TTC19: variants seen among roughly 807,000 people sequenced by gnomAD.
TTC19 encodes tetratricopeptide repeat protein 19, mitochondrial.
Under a neutral mutation model 49.5 loss-of-function variants are expected in TTC19, and 38 were observed. That is an observed-to-expected ratio of 0.77 (90% CI 0.59 to 1.01). TTC19 has a LOEUF of 1.01. Among genes scored for constraint, TTC19 ranks in the 50% least tolerant of loss-of-function variants. The pLI, the probability that TTC19 is intolerant of heterozygous loss-of-function variation, is 0.00. For missense variants in TTC19, 475 were observed against 477.7 expected, an observed-to-expected ratio of 0.99 and a Z score of 0.05; for synonymous variants, 204 against 185.2, an observed-to-expected ratio of 1.10 and a Z score of -0.83.
At chr17:16,043,175 C>A (rs966106759) in intron 2 of TTC19, among the ~76,000 whole-genome samples, 9 of 152,170 alleles carry the variant, frequency 5.9e-5, no homozygotes, top group African/African-American at 2.2e-4. Flanking sequence ...GCAAAGAGAT[C>A]CAATAAAGTA....
At chr17:16,033,021 T>G (rs958310001), downstream of TTC19, among the ~76,000 whole-genome samples, 1 of 152,162 alleles carries the variant, frequency 6.6e-6, no homozygotes, top group South Asian at 2.1e-4. Flanking sequence ...GATGTTTAAC[T>G]GTCCCCAGAA....
At chr17:16,006,449 G>A (rs1970911695) in intron 6 of TTC19, 25 bp from the exon 7 acceptor site, 5 of 1,490,524 alleles carry the variant, frequency 3.4e-6, no homozygotes, top group Non-Finnish European at 4.7e-6. Flanking sequence ...AAGGTAAATG[G>A]CTGATTATTG....
At chr17:16,018,205 A>T (rs940516098) in intron 7 of TTC19, among the ~76,000 whole-genome samples, 1 of 152,094 alleles carries the variant, frequency 6.6e-6, no homozygotes, top group African/African-American at 2.4e-5. Flanking sequence ...TCAGAAGTTA[A>T]ATGAGCATAA....
downstream of TTC19, chr17:16,032,089 G>C: frequency 1.9e-6 from 1 of 530,736 alleles, no homozygotes; most frequent in Non-Finnish European, 3.2e-6. Flanking sequence ...TGAATTGCCT[G>C]TATCAAAGGC....
intron 2 of TTC19, among the ~76,000 whole-genome samples, chr17:16,035,825 A>T (rs565836502): frequency 6.6e-6 from 1 of 152,238 alleles, no homozygotes; most frequent in Admixed American, 6.5e-5. Context: ...TACAGGCATG[A>T]GTCATCATAC....
In TTC19 at chr17:16,025,212, G is replaced by C. The variant is rs753021454; in HGVS notation, c.831+41G>C. Reference sequence around the variant, plus strand: ...ACAGAAGGGGGAATATAAAACAAAGGCTTCAAAATTGAAGGGTGTGAAATG... The same window carrying C: ...ACAGAAGGGGGAATATAAAACAAAGCCTTCAAAATTGAAGGGTGTGAAATG... On this transcript the variant is annotated intron_variant, in intron 8 of 9. Transcript: ENST00000261647. 102 of 1,597,134 alleles carry C rather than the reference G, an allele frequency of 6.4e-5. No homozygotes were observed. The East Asian group carries it at 2.3e-3, about 35-fold the overall frequency.
chr17:16,020,580 T>A (rs1298164068), intron 7 of TTC19, among the ~76,000 whole-genome samples: 1 of 152,194 alleles, frequency 6.6e-6, no homozygotes, highest in Non-Finnish European at 1.5e-5. Flanking sequence ...CATAGATTCA[T>A]GGGGTGCTAA....
intron 2 of TTC19, among the ~76,000 whole-genome samples, chr17:16,041,537 C>T (rs1037300136): frequency 2.0e-5 from 3 of 150,792 alleles, no homozygotes; most frequent in Non-Finnish European, 4.4e-5. Context: ...CCTCAGCCTC[C>T]CGAGCAGCTG....
chr17:16,013,203 AAAAATT>A (rs1185973925), intron 7 of TTC19, among the ~76,000 whole-genome samples: 4 of 152,220 alleles, frequency 2.6e-5, no homozygotes, highest in Non-Finnish European at 5.9e-5. Context: ...CTGTCTCAAA[AAAAATT>A]AAAATTATAC....
intron 7 of TTC19, among the ~76,000 whole-genome samples, chr17:16,016,682 C>T (rs900670071): frequency 6.6e-5 from 10 of 151,636 alleles, no homozygotes; most frequent in Non-Finnish European, 8.8e-5. Flanking sequence ...TTCAGCCTCC[C>T]GAGTAGCTGG....
chr17:16,033,942 C>T (rs552379680), downstream of TTC19, among the ~76,000 whole-genome samples: 5 of 152,090 alleles, frequency 3.3e-5, no homozygotes, highest in Admixed American at 6.6e-5. Context: ...GTGATCTGCC[C>T]GCCTCAGCCT....
At chr17:16,023,230 A>G (rs1455749630) in intron 7 of TTC19, 2 of 152,224 alleles carry the variant, frequency 1.3e-5, no homozygotes, top group Admixed American at 1.3e-4. Context: ...AAGATATTAT[A>G]GCTAAATTGT....
At chr17:16,023,605 CATTT>C (rs1474469484) in intron 7 of TTC19, 1 of 152,200 alleles carries the variant, frequency 6.6e-6, no homozygotes, top group African/African-American at 2.4e-5. Context: ...GTTGAAGATT[CATTT>C]GATGAATCCG....
At chr17:16,011,368 C>G (rs906655189) in intron 7 of TTC19, among the ~76,000 whole-genome samples, 3 of 152,072 alleles carry the variant, frequency 2.0e-5, no homozygotes, top group Non-Finnish European at 4.4e-5. Flanking sequence ...TTAGTAGAGA[C>G]GGGATTTCAC....
At chr17:16,039,034 G>T (rs540109135) in intron 2 of TTC19, among the ~76,000 whole-genome samples, 19 of 152,214 alleles carry the variant, frequency 1.2e-4, no homozygotes, top group Non-Finnish European at 2.6e-4. Flanking sequence ...CCCCCAAAGT[G>T]CTGGGATTAC....
At chr17:16,019,703 G>C (rs1278206442) in intron 7 of TTC19, among the ~76,000 whole-genome samples, 1 of 152,206 alleles carries the variant, frequency 6.6e-6, no homozygotes, top group Non-Finnish European at 1.5e-5. Context: ...CAGTTCTATT[G>C]ATGGACCTGT....
At chr17:16,023,144 A>C (rs1971436656) in intron 7 of TTC19, among the ~76,000 whole-genome samples, 1 of 152,210 alleles carries the variant, frequency 6.6e-6, no homozygotes, top group Admixed American at 6.5e-5. Context: ...ATTTATCTTT[A>C]GAAAAGTTTG....
At chr17:16,031,083 C>G, downstream of TTC19, 1 of 191,646 alleles carries the variant, frequency 5.2e-6, no homozygotes, top group East Asian at 8.3e-5. Context: ...TAAAACTGGC[C>G]CTCTAGTACC....
intron 8 of TTC19, among the ~76,000 whole-genome samples, chr17:16,026,247 T>C (rs1341808078): frequency 2.0e-5 from 3 of 152,224 alleles, no homozygotes; most frequent in Non-Finnish European, 4.4e-5. Context: ...CTTCTTGCTG[T>C]TGTTTTTCAT....
Sources: allele counts gnomAD v4.1 joint callset (sites outside exome capture counted in the v4.1 genomes callset), GRCh38; gene constraint gnomAD v4.1.1; transcripts MANE v1.5; gene names NCBI Gene and HGNC (gene_info 2026-07-23, HGNC 2026-07-21).